The following DGKI variants were observed in gnomAD, a reference collection of about 807,000 sequenced individuals.
The protein encoded by DGKI is diacylglycerol kinase iota.
Under a neutral mutation model 147.5 loss-of-function variants are expected in DGKI, and 55 were observed. That is an observed-to-expected ratio of 0.37 (90% confidence interval 0.30 to 0.47). The LOEUF (loss-of-function observed/expected upper bound fraction) is 0.47, where lower values mean the gene tolerates loss of function less well. Among genes scored for constraint, DGKI ranks in the 20% least tolerant of loss-of-function variants. The pLI, the probability that DGKI is intolerant of heterozygous loss-of-function variation, is 1.00. For synonymous variants in DGKI, 469 were observed against 477.1 expected, an observed-to-expected ratio of 0.98 and a Z score of 0.22; for missense variants, 1,007 against 1,323.8, an observed-to-expected ratio of 0.76 and a Z score of 3.71.
At chr7:137,418,381 C>T (rs1041544680) in intron 28 of DGKI, among the ~76,000 whole-genome samples, 10 of 152,172 alleles carry the variant, frequency 6.6e-5, no homozygotes, top group Non-Finnish European at 1.2e-4. Flanking sequence ...TTTTTAGCCC[C>T]ATCACACAGA....
chr7:137,684,064 A>C (rs1057503213), intron 2 of DGKI, among the ~76,000 whole-genome samples: 1 of 152,252 alleles, frequency 6.6e-6, no homozygotes, highest in African/African-American at 2.4e-5. Context: ...AAACAATGAG[A>C]ATTATAAATA....
chr7:137,451,849 T>A, intron 27 of DGKI, among the ~76,000 whole-genome samples: 1 of 152,190 alleles, frequency 6.6e-6, no homozygotes, highest in East Asian at 1.9e-4. Context: ...TTAGACTCTA[T>A]GCATATTTTG....
chr7:137,524,015 T>C (rs1173523746), intron 20 of DGKI, among the ~76,000 whole-genome samples: 3 of 151,458 alleles, frequency 2.0e-5, no homozygotes, highest in Non-Finnish European at 2.9e-5. Context: ...AAGAATCCCA[T>C]GGATTTGACG....
At chr7:137,760,608 A>G (rs1795828850) in intron 1 of DGKI, among the ~76,000 whole-genome samples, 1 of 152,148 alleles carries the variant, frequency 6.6e-6, no homozygotes, top group South Asian at 2.1e-4. Context: ...AGTGATTGAA[A>G]ATGAAGGTTC....
At chr7:137,687,034 T>C (rs113202703) in intron 2 of DGKI, among the ~76,000 whole-genome samples, 14 of 152,266 alleles carry the variant, frequency 9.2e-5, no homozygotes, top group African/African-American at 2.6e-4. Context: ...CAGAGAATCA[T>C]AGTAGTAGAC....
At chr7:137,518,119 A>T (rs1816843750) in intron 21 of DGKI, among the ~76,000 whole-genome samples, 2 of 152,038 alleles carry the variant, frequency 1.3e-5, no homozygotes. Flanking sequence ...GTATGACAGC[A>T]GGGCCTCTCT....
intron 3 of DGKI, among the ~76,000 whole-genome samples, chr7:137,671,573 C>G (rs1822845027): frequency 6.6e-6 from 1 of 152,182 alleles, no homozygotes; most frequent in South Asian, 2.1e-4. Context: ...GATTTTATCC[C>G]TCTACTGATT....
rs940550558 is a variant in DGKI, at chr7:137,381,452, C to G, written c.*9768G>C. On this transcript the variant is annotated 3_prime_UTR_variant, in exon 33 of 33. Coordinates refer to ENST00000614521, the MANE Select transcript of DGKI (RefSeq NM_001321708.2). Reference sequence around the variant, plus strand: ...AGCATGGCTCTGGGATGTGATAGGGCAGAATCAGAAATCATGAAAAAGCCC... The same window carrying G: ...AGCATGGCTCTGGGATGTGATAGGGGAGAATCAGAAATCATGAAAAAGCCC... The G allele has an allele frequency of 6.6e-6, 1 of 151,684 alleles. No individual in the cohort carries two copies. The highest frequency in any genetic ancestry group is 6.6e-5 in the Admixed American group (1 of 15,198). 9.4% of individuals were successfully genotyped at this position (151,684 alleles called of 1,614,324 possible).
chr7:137,726,350 C>T (rs529352767), intron 1 of DGKI, among the ~76,000 whole-genome samples: 20 of 152,288 alleles, frequency 1.3e-4, no homozygotes, highest in African/African-American at 4.3e-4. Flanking sequence ...TGCTTCTGAT[C>T]GATTTCTCCT....
rs60654879 is a variant in DGKI, at chr7:137,617,124, CAAA to C, written c.993+2697_993+2699del. Among the ~76,000 whole-genome samples the C allele has an allele frequency of 5.8e-3, 281 of 48,096 alleles. 1 individual carries two copies. Among genetic ancestry groups the C allele is most frequent in the African/African-American group, 0.014 (262 of 18,746 alleles). 31.6% of individuals were successfully genotyped at this position (48,096 alleles called of 152,430 possible). ...TGTACTGCCAGTGTATCCCTTTTAC[CAAA>C]AAAAAAAAAAAAAAAAAAAAAAAAA... is the stretch of plus-strand genomic sequence containing the variant. On this transcript the variant is annotated intron_variant, in intron 8 of 32. Coordinates refer to ENST00000614521, the MANE Select transcript of DGKI (RefSeq NM_001321708.2).
At chr7:137,669,644 C>T (rs1822770741) in intron 3 of DGKI, among the ~76,000 whole-genome samples, 1 of 152,250 alleles carries the variant, frequency 6.6e-6, no homozygotes, top group South Asian at 2.1e-4. Context: ...GAAAAGATGA[C>T]AATTATTCTC....
intron 1 of DGKI, among the ~76,000 whole-genome samples, chr7:137,730,302 C>T (rs536776728): frequency 1.2e-4 from 18 of 152,186 alleles, no homozygotes; most frequent in African/African-American, 3.9e-4. Flanking sequence ...TGGGATTTTA[C>T]GTTTTGGTTA....
intron 9 of DGKI, 29 bp downstream of exon 9, chr7:137,609,506 T>G (rs1820294684): frequency 6.4e-7 from 1 of 1,554,396 alleles, no homozygotes; most frequent in Non-Finnish European, 8.9e-7. Flanking sequence ...AAGTGGAAAT[T>G]CCTCAGAATA....
At chr7:137,577,502 G>A (rs577501580) in intron 16 of DGKI, among the ~76,000 whole-genome samples, 2 of 152,262 alleles carry the variant, frequency 1.3e-5, no homozygotes, top group South Asian at 4.1e-4. Context: ...ATAAATTTAA[G>A]AACACAGAAT....
chr7:137,581,745 GA>G, intron 15 of DGKI, 104 bp downstream of exon 15: 1 of 945,728 alleles, frequency 1.1e-6, no homozygotes, highest in Non-Finnish European at 1.6e-6. Context: ...AAACAACACT[GA>G]AGCACACTGT....
chr7:137,473,342 C>T (rs1178289906), intron 23 of DGKI, among the ~76,000 whole-genome samples: 2 of 152,060 alleles, frequency 1.3e-5, no homozygotes, highest in African/African-American at 4.8e-5. Context: ...CGCCATAAAG[C>T]TCTTTAAAAT....
At chr7:137,441,168 C>T (rs1222259615) in intron 28 of DGKI, among the ~76,000 whole-genome samples, 1 of 152,014 alleles carries the variant, frequency 6.6e-6, no homozygotes. Flanking sequence ...TGCCTGTAAT[C>T]CCAGTACTTT....
chr7:137,638,895 TTTA>T (rs1180353192), intron 6 of DGKI, among the ~76,000 whole-genome samples: 1 of 151,884 alleles, frequency 6.6e-6, no homozygotes, highest in Non-Finnish European at 1.5e-5. Flanking sequence ...TACTAAATTT[TTTA>T]TTATTTGTAC....
chr7:137,669,623 T>C (rs1010601747), intron 3 of DGKI, among the ~76,000 whole-genome samples: 1 of 152,120 alleles, frequency 6.6e-6, no homozygotes, highest in African/African-American at 2.4e-5. Context: ...CAATCTAAAA[T>C]TGTCATGACA....
Sources: gnomAD v4.1 joint callset for allele counts (sites outside exome capture counted in the v4.1 genomes callset) on GRCh38, gnomAD v4.1.1 for gene constraint, MANE v1.5 for transcripts, NCBI Gene and HGNC (gene_info 2026-07-23, HGNC 2026-07-21) for gene names.